DGKH: variants seen among roughly 807,000 people sequenced by gnomAD.
The protein encoded by DGKH is diacylglycerol kinase eta, also known as DAG kinase eta.
A neutral mutation model predicts 159.3 loss-of-function variants in DGKH; 90 were observed. That is an observed-to-expected ratio of 0.57 (90% CI 0.48 to 0.67). The LOEUF (loss-of-function observed/expected upper bound fraction) is 0.67. Among genes scored for constraint, DGKH ranks in the 30% least tolerant of loss-of-function variants. The pLI is 0.00. For synonymous variants in DGKH, 536 were observed against 553.8 expected (o/e 0.97, Z 0.45); for missense variants, 1,181 against 1,506.1 (o/e 0.78, Z 3.57).
chr13:42,227,428 A>G (rs1373401866), intron 29 of DGKH, among the ~76,000 whole-genome samples: 1 of 152,178 alleles, frequency 6.6e-6, no homozygotes, highest in Non-Finnish European at 1.5e-5. Flanking sequence ...AAAATATTTA[A>G]TATTTAAATA....
chr13:42,217,677 A>G (rs1471003374), intron 26 of DGKH, among the ~76,000 whole-genome samples: 1 of 152,222 alleles, frequency 6.6e-6, no homozygotes, highest in Non-Finnish European at 1.5e-5. Flanking sequence ...AAACATATTT[A>G]TGAGAACTCT....
At chr13:42,068,364 A>G (rs1158077125) in intron 1 of DGKH, among the ~76,000 whole-genome samples, 1 of 152,242 alleles carries the variant, frequency 6.6e-6, no homozygotes, top group Non-Finnish European at 1.5e-5. Context: ...ATAGTTTACT[A>G]CAATACACAC....
intron 3 of DGKH, among the ~76,000 whole-genome samples, chr13:42,143,193 A>T (rs1404642682): frequency 6.6e-6 from 1 of 152,118 alleles, no homozygotes; most frequent in Non-Finnish European, 1.5e-5. Context: ...TATATGCTGG[A>T]TTATGTTTAT....
rs769176952 is a variant in DGKH, at chr13:42,160,134, A to G, written c.853A>G (p.Met285Val). 1.2e-6 allele frequency: 2 copies of G among 1,614,116 alleles called. No individual in the cohort carries two copies. Among genetic ancestry groups the G allele is most frequent in the Non-Finnish European group, 1.7e-6 (2 of 1,180,042 alleles). Reference protein sequence around the residue: ...QDWKCLWCKTMVHTACKDLYH... With the variant: ...QDWKCLWCKTVVHTACKDLYH... ...TTGGAAATGCCTTTGGTGTAAGACA[A>G]TGGTGAGGGTTTTGGAATCAGTTCA... The change falls in exon 7 of 30, where the codon ATG (methionine) becomes GTG (valine). Residue 285 changes from methionine (M) to valine (V), a missense_variant and splice_region_variant. Coordinates refer to ENST00000337343, the MANE Select transcript of DGKH (RefSeq NM_178009.5).
intron 9 of DGKH, 128 bp downstream of exon 9, chr13:42,166,802 T>C (rs1956326294): frequency 3.8e-6 from 3 of 798,240 alleles, no homozygotes; most frequent in Non-Finnish European, 5.2e-6. Flanking sequence ...GCTCTAATTA[T>C]AAGTTTTAAC....
chr13:42,155,803 CT>C lies in DGKH; in HGVS notation c.622+5del, dbSNP rs752392320. The stretch of plus-strand genomic sequence containing the variant: ...TCCCATGGCCTGTCCTGCGAAGGTA[CT>C]GTAGCACCTAGCATGTGTTTTCTCC... On this transcript the variant is annotated splice_donor_5th_base_variant and intron_variant, in intron 5 of 29. Coordinates refer to ENST00000337343, the MANE Select transcript of DGKH (RefSeq NM_178009.5). The C allele has an allele frequency of 4.1e-5, 66 of 1,614,050 alleles. No homozygotes were observed. In the African/African-American group the frequency reaches 7.9e-4, roughly 19 times the overall value.
At chr13:42,063,030 T>A (rs1013662092) in intron 1 of DGKH, among the ~76,000 whole-genome samples, 1 of 152,186 alleles carries the variant, frequency 6.6e-6, no homozygotes, top group South Asian at 2.1e-4. Flanking sequence ...GTTTAAAAAA[T>A]GTTCTTTGGA....
intron 1 of DGKH, among the ~76,000 whole-genome samples, chr13:42,059,140 T>A (rs1881962819): frequency 6.6e-6 from 1 of 152,214 alleles, no homozygotes; most frequent in South Asian, 2.1e-4. Flanking sequence ...ATAATTATTT[T>A]AAAAAATTGG....
chr13:42,129,891 C>T (rs1323990349), intron 3 of DGKH, among the ~76,000 whole-genome samples: 2 of 152,138 alleles, frequency 1.3e-5, no homozygotes, highest in African/African-American at 4.8e-5. Flanking sequence ...TTTTTCACCT[C>T]CTCTAAATTA....
chr13:42,219,436 GA>G, intron 27 of DGKH, 87 bp downstream of exon 27: 3 of 1,531,018 alleles, frequency 2.0e-6, no homozygotes, highest in Non-Finnish European at 1.8e-6. Flanking sequence ...GATATTTAGG[GA>G]AAAATGAATT....
At chr13:42,225,367 G>GT (rs759892777) in intron 29 of DGKH, 3 of 1,556,240 alleles carry the variant, frequency 1.9e-6, no homozygotes, top group Admixed American at 1.9e-5. Flanking sequence ...TTTATTTTTT[G>GT]TTTTTTCTAT....
At chr13:42,211,721 G>A (rs1199203954) in intron 24 of DGKH, among the ~76,000 whole-genome samples, 3 of 152,012 alleles carry the variant, frequency 2.0e-5, no homozygotes, top group African/African-American at 7.2e-5. Flanking sequence ...AAAAAAAGAG[G>A]TTTAATAGAC....
intron 1 of DGKH, among the ~76,000 whole-genome samples, chr13:42,058,712 A>G (rs982620516): frequency 1.3e-5 from 2 of 152,218 alleles, no homozygotes; most frequent in African/African-American, 4.8e-5. Context: ...AGATGGAGCT[A>G]TGTAACTGAC....
At chr13:42,255,781 A>G (rs1220901795) in intron 30 of DGKH, 2 of 492,286 alleles carry the variant, frequency 4.1e-6, no homozygotes, top group East Asian at 6.4e-5. Context: ...ATATAAGGGA[A>G]TATTTTCTCT....
chr13:42,207,123 CTCCTTCCTTCCT>C (rs377514975), intron 21 of DGKH, among the ~76,000 whole-genome samples: 606 of 52,220 alleles, frequency 0.012, 25 homozygotes, highest in East Asian at 0.037. Context: ...CTCTTTCTCT[CTCCTTCCTTCCT>C]TCCTTCCTTC....
intron 3 of DGKH, among the ~76,000 whole-genome samples, chr13:42,132,179 G>A (rs1955302949): frequency 1.3e-5 from 2 of 151,988 alleles, no homozygotes; most frequent in African/African-American, 4.8e-5. Flanking sequence ...CATATTTGTA[G>A]GATACATAGT....
At chr13:42,104,329 C>A (rs754678891) in intron 1 of DGKH, among the ~76,000 whole-genome samples, 1 of 152,154 alleles carries the variant, frequency 6.6e-6, no homozygotes, top group African/African-American at 2.4e-5. Context: ...TTCCAGGTTC[C>A]AGCTAGAAAG....
intron 30 of DGKH, among the ~76,000 whole-genome samples, chr13:42,255,391 A>G (rs1225104714): frequency 6.6e-6 from 1 of 152,164 alleles, no homozygotes; most frequent in Non-Finnish European, 1.5e-5. Context: ...TATAATAAAC[A>G]TTTGATTTGC....
intron 17 of DGKH, among the ~76,000 whole-genome samples, chr13:42,195,306 C>G (rs1479654086): frequency 1.3e-5 from 2 of 148,740 alleles, no homozygotes; most frequent in Non-Finnish European, 3.0e-5. Context: ...CGAGACAAGC[C>G]TGGCCAACAC....
Sources: gnomAD v4.1 joint callset for allele counts (sites outside exome capture counted in the v4.1 genomes callset) on GRCh38, gnomAD v4.1.1 for gene constraint, MANE v1.5 for transcripts, NCBI Gene and HGNC (gene_info 2026-07-23, HGNC 2026-07-21) for gene names.